DTNB: variants seen among roughly 807,000 people sequenced by gnomAD.
DTNB encodes the protein dystrobrevin beta, also known as DTN-B.
In DTNB, 63 loss-of-function variants were observed where a neutral mutation model predicts 90.7. That is an observed-to-expected ratio of 0.69 (90% CI 0.57 to 0.86). The LOEUF (loss-of-function observed/expected upper bound fraction) is 0.86. Ranked by LOEUF, DTNB falls within the 40% of genes least tolerant of loss-of-function variation. DTNB has a pLI of 0.00. For missense variants in DTNB, 744 were observed against 807.1 expected, an observed-to-expected ratio of 0.92 and a Z score of 0.95; for synonymous variants, 277 against 286.7, an observed-to-expected ratio of 0.97 and a Z score of 0.34.
At chr2:25,381,202 C>T (rs1016763479) in intron 19 of DTNB, among the ~76,000 whole-genome samples, 1 of 151,574 alleles carries the variant, frequency 6.6e-6, no homozygotes, top group Non-Finnish European at 1.5e-5. Flanking sequence ...TGTGCATGTG[C>T]GTGTGCGTGT....
At chr2:25,439,053 T>C (rs1269944022) in intron 12 of DTNB, among the ~76,000 whole-genome samples, 1 of 152,162 alleles carries the variant, frequency 6.6e-6, no homozygotes, top group Non-Finnish European at 1.5e-5. Context: ...TAAGATGACA[T>C]GACAACTAAA....
intron 16 of DTNB, among the ~76,000 whole-genome samples, chr2:25,388,805 C>CGTGTGTGTGTGTGT (rs112323714): frequency 1.8e-3 from 263 of 149,256 alleles, no homozygotes; most frequent in African/African-American, 6.2e-3. Flanking sequence ...AAAGGACATA[C>CGTGTGTGTGTGTGT]GTGTGTGTGT....
intron 1 of DTNB, among the ~76,000 whole-genome samples, chr2:25,655,544 G>A (rs1431965200): frequency 6.6e-6 from 1 of 152,178 alleles, no homozygotes; most frequent in Non-Finnish European, 1.5e-5. Flanking sequence ...GGAAACGTCT[G>A]TTGATATGGG....
chr2:25,551,499 A>G (rs1421353125), intron 8 of DTNB, among the ~76,000 whole-genome samples: 1 of 152,166 alleles, frequency 6.6e-6, no homozygotes, highest in Non-Finnish European at 1.5e-5. Context: ...ATCTGTTCTG[A>G]AGGAGTTGGC....
chr2:25,455,572 G>A lies in DTNB; in HGVS notation c.1080-78C>T, dbSNP rs550501413. The A allele has an allele frequency of 3.3e-4, 420 of 1,258,368 alleles. 2 individuals are homozygous for A. Among genetic ancestry groups the A allele is most frequent in the South Asian group, 3.0e-3 (210 of 70,028 alleles). The allele number at this position is 1,258,368 out of a possible 1,614,324, so 78.0% of individuals were successfully genotyped here. A position where few individuals can be genotyped will look rare whatever the true frequency, so the allele number is the denominator to read the frequency against. ...GAGAAATGAACATGGATTAAAATGA[G>A]CAAACTTCAAAGAAAAATTTAAAAA... On this transcript the variant is annotated intron_variant, in intron 10 of 20. Transcript: ENST00000406818.
Position 25,580,774 on chromosome 2 carries a change from G to C in DTNB, c.656C>G (p.Pro219Arg), listed in dbSNP as rs1358056744. The change falls in exon 7 of 21, where the codon CCC becomes CGC. Residue 219 changes from proline (P) to arginine (R), a missense_variant. Physicochemically the swap from Pro to Arg is moderately radical, Grantham distance 103. Transcript: ENST00000406818. The stretch of plus-strand genomic sequence containing the variant: ...GAGAGGTAGCCAGACAAGGCACTGG[G>C]GAGGAGGGTCAGCCATCATTGTGTC... ...FLDTMMADPP[P>R]QCLVWLPLMH... The C allele has an allele frequency of 6.2e-7, 1 of 1,613,564 alleles. No homozygotes were observed. Among genetic ancestry groups the C allele is most frequent in the South Asian group, 1.1e-5 (1 of 91,076 alleles).
At chr2:25,619,954 C>T (rs2072009217) in intron 4 of DTNB, among the ~76,000 whole-genome samples, 1 of 152,052 alleles carries the variant, frequency 6.6e-6, no homozygotes, top group African/African-American at 2.4e-5. Flanking sequence ...GCAGAAGAAT[C>T]ACTTGAACCC....
chr2:25,588,042 G>C (rs1259976378), intron 6 of DTNB, among the ~76,000 whole-genome samples: 1 of 151,996 alleles, frequency 6.6e-6, no homozygotes, highest in Non-Finnish European at 1.5e-5. Flanking sequence ...ATCTATTCAG[G>C]GGAACTTGGC....
At chr2:25,476,392 T>C (rs1446281561) in intron 10 of DTNB, among the ~76,000 whole-genome samples, 1 of 152,220 alleles carries the variant, frequency 6.6e-6, no homozygotes, top group Non-Finnish European at 1.5e-5. Flanking sequence ...CAAGTCTTAT[T>C]ATGTAAGAAA....
At chr2:25,412,083 T>C (rs1299710557) in intron 16 of DTNB, among the ~76,000 whole-genome samples, 1 of 152,182 alleles carries the variant, frequency 6.6e-6, no homozygotes, top group African/African-American at 2.4e-5. Flanking sequence ...TCTTGTTGCA[T>C]AGGTTTGTTT....
At chr2:25,405,695 A>G (rs935030745) in intron 16 of DTNB, among the ~76,000 whole-genome samples, 2 of 152,016 alleles carry the variant, frequency 1.3e-5, no homozygotes, top group African/African-American at 2.4e-5. Context: ...TACCTACATA[A>G]TATCTGGTTT....
At chr2:25,517,574 C>T (rs145867944) in intron 9 of DTNB, among the ~76,000 whole-genome samples, 343 of 152,262 alleles carry the variant, frequency 2.3e-3, no homozygotes, top group African/African-American at 8.1e-3. Context: ...TTTTGCAGTA[C>T]TAGTGAGATT....
intron 9 of DTNB, among the ~76,000 whole-genome samples, chr2:25,502,234 C>T (rs1441532363): frequency 6.6e-6 from 1 of 151,830 alleles, no homozygotes; most frequent in African/African-American, 2.4e-5. Context: ...CAAAAAAAAT[C>T]CTAAAAGTTT....
At chr2:25,477,933 C>T (rs1039619867) in intron 10 of DTNB, among the ~76,000 whole-genome samples, 2 of 151,726 alleles carry the variant, frequency 1.3e-5, no homozygotes, top group African/African-American at 2.4e-5. Flanking sequence ...AAGTTCGTTA[C>T]CACTCATCCA....
intron 4 of DTNB, among the ~76,000 whole-genome samples, chr2:25,609,324 T>A (rs946889825): frequency 6.6e-6 from 1 of 152,108 alleles, no homozygotes; most frequent in African/African-American, 2.4e-5. Flanking sequence ...ATGGGCCGGG[T>A]ACAGTGGCTC....
At chr2:25,478,039 C>T (rs983721775) in intron 10 of DTNB, among the ~76,000 whole-genome samples, 8 of 148,152 alleles carry the variant, frequency 5.4e-5, no homozygotes, top group African/African-American at 2.0e-4. Flanking sequence ...AAAAAAGAAA[C>T]CTCTTGGCTG....
At chr2:25,614,444 A>G (rs925544976) in intron 4 of DTNB, among the ~76,000 whole-genome samples, 3 of 152,216 alleles carry the variant, frequency 2.0e-5, no homozygotes, top group Non-Finnish European at 4.4e-5. Flanking sequence ...TAACAACACT[A>G]TAATAAGTGA....
At chr2:25,435,738 G>C (rs1052761810) in intron 12 of DTNB, among the ~76,000 whole-genome samples, 1 of 152,176 alleles carries the variant, frequency 6.6e-6, no homozygotes, top group Non-Finnish European at 1.5e-5. Flanking sequence ...TCTTGTGTAC[G>C]TACCTAGGAA....
At chr2:25,506,421 T>G (rs1467597940) in intron 9 of DTNB, among the ~76,000 whole-genome samples, 1 of 151,854 alleles carries the variant, frequency 6.6e-6, no homozygotes, top group East Asian at 1.9e-4. Flanking sequence ...GTCATACAGG[T>G]AAACATGTTT....
Sources: gnomAD v4.1 joint callset for allele counts (sites outside exome capture counted in the v4.1 genomes callset) on GRCh38, gnomAD v4.1.1 for gene constraint, MANE v1.5 for transcripts, NCBI Gene and HGNC (gene_info 2026-07-23, HGNC 2026-07-21) for gene names.